HMCN1: variants seen among roughly 807,000 people sequenced by gnomAD.
HMCN1 encodes the protein hemicentin-1.
HMCN1 carries 321 observed loss-of-function variants against 625.9 expected under a neutral mutation model. That is an observed-to-expected ratio of 0.51 (90% CI 0.47 to 0.56). HMCN1 has a LOEUF of 0.56. Among genes scored for constraint, HMCN1 ranks in the 20% least tolerant of loss-of-function variants. The pLI, the probability that HMCN1 is intolerant of heterozygous loss-of-function variation, is 0.00. For synonymous variants in HMCN1, 2,425 were observed against 2,417.6 expected (o/e 1.00, Z -0.09); for missense variants, 6,588 against 6,887.3 (o/e 0.96, Z 1.54).
At chr1:185,810,764 A>G (rs1374376347) in intron 1 of HMCN1, among the ~76,000 whole-genome samples, 7 of 152,118 alleles carry the variant, frequency 4.6e-5, no homozygotes. Context: ...TGCCTGGAAA[A>G]TAAAAGTTGT....
chr1:186,041,576 A>T (rs78560419), intron 40 of HMCN1, among the ~76,000 whole-genome samples: 2 of 152,178 alleles, frequency 1.3e-5, no homozygotes, highest in Admixed American at 6.6e-5. Context: ...AGAAGCAAAA[A>T]GTTAAACTCA....
At chr1:185,890,575 A>G (rs1476880638) in intron 4 of HMCN1, among the ~76,000 whole-genome samples, 1 of 141,492 alleles carries the variant, frequency 7.1e-6, no homozygotes, top group African/African-American at 3.0e-5. Context: ...TGTACCCAGT[A>G]GTCATTCAGG....
chr1:185,823,367 T>A (rs1484323028), intron 1 of HMCN1, among the ~76,000 whole-genome samples: 1 of 152,178 alleles, frequency 6.6e-6, no homozygotes, highest in Non-Finnish European at 1.5e-5. Flanking sequence ...AAGGCAAACA[T>A]GTAAAACAAC....
intron 57 of HMCN1, among the ~76,000 whole-genome samples, chr1:186,084,987 A>T (rs1383279223): frequency 6.6e-6 from 1 of 152,102 alleles, no homozygotes; most frequent in Non-Finnish European, 1.5e-5. Context: ...TAAGTTTTAT[A>T]CCTGCTTCTC....
At chr1:185,960,751 G>A (rs892104966) in intron 11 of HMCN1, among the ~76,000 whole-genome samples, 7 of 152,232 alleles carry the variant, frequency 4.6e-5, no homozygotes, top group African/African-American at 1.7e-4. Flanking sequence ...GCAATTCCAT[G>A]TCAATAGCTA....
chr1:185,957,951 A>G (rs950302821), intron 11 of HMCN1, among the ~76,000 whole-genome samples: 4 of 152,192 alleles, frequency 2.6e-5, no homozygotes, highest in African/African-American at 9.7e-5. Context: ...TGCTTTTTCC[A>G]TTAGTAAAAC....
At chr1:185,776,841 T>A (rs1656648509) in intron 1 of HMCN1, among the ~76,000 whole-genome samples, 1 of 152,248 alleles carries the variant, frequency 6.6e-6, no homozygotes, top group African/African-American at 2.4e-5. Context: ...GAATATTCAC[T>A]TTTTATAAGA....
intron 25 of HMCN1, among the ~76,000 whole-genome samples, chr1:185,998,079 A>G (rs1012666485): frequency 3.3e-5 from 5 of 151,948 alleles, no homozygotes; most frequent in Admixed American, 6.6e-5. Context: ...CAGGAGATTG[A>G]TATTATTTCT....
intron 1 of HMCN1, among the ~76,000 whole-genome samples, chr1:185,799,511 G>A (rs559772933): frequency 6.6e-6 from 1 of 152,212 alleles, no homozygotes; most frequent in South Asian, 2.1e-4. Context: ...ATTGTGGGGG[G>A]AGTGGGGGCA....
rs1368636367 is a variant in HMCN1 at position 186,029,971 on chromosome 1, C to T, written c.5749+6818C>T. ...ATCTGTCATGTGATTTCTTCTCTGA[C>T]CAATAGTTATTTAGGACTGTGTTAC... On this transcript the variant is annotated intron_variant, in intron 36 of 106. Transcript: ENST00000271588. Among the ~76,000 whole-genome samples the T allele has an allele frequency of 2.6e-5, 4 of 152,158 alleles. No homozygotes were observed. In the East Asian group the frequency reaches 7.7e-4, roughly 29 times the overall value.
Position 186,019,526 on chromosome 1 carries a change from C to T in HMCN1, c.5471-15C>T, listed in dbSNP as rs894567063. 6.3e-7 allele frequency: 1 copy of T among 1,596,768 alleles called. No homozygotes were observed. Among genetic ancestry groups the T allele is most frequent in the Non-Finnish European group, 8.6e-7 (1 of 1,164,788 alleles). On this transcript the variant is annotated splice_polypyrimidine_tract_variant and intron_variant, in intron 34 of 106. Coordinates refer to ENST00000271588, the MANE Select transcript of HMCN1 (RefSeq NM_031935.3). ...GATTATGGTTTCATTCCCTCTCCCC[C>T]TTCCTTAAATATAGTTCCTCCAACA...
chr1:186,118,759 C>G (rs1048449610), intron 77 of HMCN1, among the ~76,000 whole-genome samples: 1 of 152,116 alleles, frequency 6.6e-6, no homozygotes, highest in Non-Finnish European at 1.5e-5. Context: ...CACCAAGGAC[C>G]ACATACTGGA....
At chr1:185,993,358 A>C (rs779607859) in intron 23 of HMCN1, 49 bp downstream of exon 23, 2 of 1,599,302 alleles carry the variant, frequency 1.3e-6, no homozygotes, top group Non-Finnish European at 1.7e-6. Flanking sequence ...CTGGCCACAC[A>C]AAAACCCGTA....
At chr1:185,941,244 C>T (rs894046878) in intron 11 of HMCN1, among the ~76,000 whole-genome samples, 3 of 152,188 alleles carry the variant, frequency 2.0e-5, no homozygotes, top group South Asian at 2.1e-4. Context: ...GAGATGACCT[C>T]GCTTGGTCTT....
At chr1:185,949,911 G>T (rs1668554016) in intron 11 of HMCN1, among the ~76,000 whole-genome samples, 5 of 151,634 alleles carry the variant, frequency 3.3e-5, no homozygotes, top group Admixed American at 6.5e-5. Flanking sequence ...ACACTGAGAA[G>T]TTATTTCCTT....
intron 10 of HMCN1, among the ~76,000 whole-genome samples, chr1:185,931,268 G>A (rs1214414619): frequency 6.6e-6 from 1 of 151,968 alleles, no homozygotes; most frequent in Admixed American, 6.6e-5. Context: ...TTTCCTTTCT[G>A]CTACCCTAAT....
chr1:185,940,629 G>T (rs574305257), intron 11 of HMCN1, among the ~76,000 whole-genome samples: 1 of 152,282 alleles, frequency 6.6e-6, no homozygotes, highest in South Asian at 2.1e-4. Context: ...TCATGATTGG[G>T]GCAGAACTTA....
At position 186,023,251 on chromosome 1, in the gene HMCN1, G is replaced by A; in HGVS notation, c.5749+98G>A. On this transcript the variant is annotated intron_variant, in intron 36 of 106. Transcript: ENST00000271588. ...TTGAATTACAGTATAAAAGAAACAG[G>A]TGTTTATTTTCTTAGTCTGTATAAA... 3 of 1,058,070 alleles carry A rather than the reference G, an allele frequency of 2.8e-6. No individual in the cohort carries two copies. The Admixed American group carries it at 5.7e-5, about 20-fold the overall frequency. The allele number at this position is 1,058,070 out of a possible 1,614,324, so 65.5% of individuals were successfully genotyped here.
intron 4 of HMCN1, among the ~76,000 whole-genome samples, chr1:185,907,676 T>C (rs994567707): frequency 6.6e-6 from 1 of 151,980 alleles, no homozygotes; most frequent in African/African-American, 2.4e-5. Context: ...TTACTTTGCC[T>C]GTGAAGCCAT....
Sources: allele counts gnomAD v4.1 joint callset (sites outside exome capture counted in the v4.1 genomes callset), GRCh38; gene constraint gnomAD v4.1.1; transcripts MANE v1.5; gene names NCBI Gene and HGNC (gene_info 2026-07-23, HGNC 2026-07-21).